Variants in NMU observed in about 807,000 individuals in gnomAD.
NMU encodes the protein neuromedin U.
NMU carries 29 observed loss-of-function variants against 35.4 expected under a neutral mutation model. That is an observed-to-expected ratio of 0.82 (90% CI 0.61 to 1.12). The LOEUF (loss-of-function observed/expected upper bound fraction) is 1.12. Ranked by LOEUF, NMU falls within the 50% of genes most tolerant of loss-of-function variation. NMU has a pLI of 0.00. For synonymous variants in NMU, 78 were observed against 81.3 expected, an observed-to-expected ratio of 0.96 and a Z score of 0.22; for missense variants, 199 against 206.2, an observed-to-expected ratio of 0.97 and a Z score of 0.21.
At chr4:55,612,711 G>C (rs1032623251) in intron 3 of NMU, among the ~76,000 whole-genome samples, 3 of 152,136 alleles carry the variant, frequency 2.0e-5, no homozygotes, top group Non-Finnish European at 2.9e-5. Context: ...AAGTTTCAAA[G>C]CAAGTGCATT....
intron 1 of NMU, 109 bp from the exon 2 acceptor site, chr4:55,630,569 A>G: frequency 2.5e-6 from 2 of 796,614 alleles, no homozygotes; most frequent in Non-Finnish European, 2.1e-6. Context: ...ACTGTACATC[A>G]TCACCCACCT....
intron 6 of NMU, among the ~76,000 whole-genome samples, chr4:55,606,223 C>T (rs1366822777): frequency 2.0e-5 from 3 of 152,196 alleles, no homozygotes; most frequent in Non-Finnish European, 4.4e-5. Context: ...ACACTATGCT[C>T]CTCATTCCCT....
chr4:55,631,030 C>T (rs1037329464), intron 1 of NMU, among the ~76,000 whole-genome samples: 1 of 152,058 alleles, frequency 6.6e-6, no homozygotes, highest in Non-Finnish European at 1.5e-5. Flanking sequence ...AAGCCAAATA[C>T]TTAAAACCAA....
At chr4:55,632,275 GA>G (rs1482258965) in intron 1 of NMU, among the ~76,000 whole-genome samples, 1 of 151,254 alleles carries the variant, frequency 6.6e-6, no homozygotes, top group African/African-American at 2.4e-5. Context: ...TATCCTGATA[GA>G]TTTTTTTTTC....
At chr4:55,627,326 A>G (rs1222407605) in intron 2 of NMU, among the ~76,000 whole-genome samples, 1 of 151,778 alleles carries the variant, frequency 6.6e-6, no homozygotes, top group African/African-American at 2.4e-5. Context: ...GTAGCTGTTC[A>G]TATTTAAAAT....
In NMU at chr4:55,605,507, C is replaced by T. The variant is rs41357044; in HGVS notation, c.361-158G>A. ...CTAAAACAGGTCTTTGGGAGCAATT[C>T]GAAGAACTGTGGAGAATAAACCAAG... On this transcript the variant is annotated intron_variant, in intron 6 of 9. Transcript: ENST00000264218. Among the ~76,000 whole-genome samples, 1,186 of 152,240 alleles carry T rather than the reference C, an allele frequency of 7.8e-3. 12 individuals carry two copies. Among genetic ancestry groups the T allele is most frequent in the African/African-American group, 0.026 (1,099 of 41,556 alleles).
intron 7 of NMU, among the ~76,000 whole-genome samples, chr4:55,604,434 A>T (rs544483571): frequency 5.3e-5 from 8 of 151,976 alleles, no homozygotes; most frequent in Non-Finnish European, 1.0e-4. Context: ...GGTTACATTC[A>T]TCTTACACAT....
chr4:55,600,415 A>T (rs529721390), intron 8 of NMU, 107 bp downstream of exon 8: 1 of 764,546 alleles, frequency 1.3e-6, no homozygotes, highest in Non-Finnish European at 2.3e-6. Flanking sequence ...GATGCCAAAC[A>T]TCTATAAACT....
chr4:55,627,870 A>G (rs1485230406), intron 2 of NMU, among the ~76,000 whole-genome samples: 1 of 152,224 alleles, frequency 6.6e-6, no homozygotes, highest in East Asian at 1.9e-4. Context: ...TTCACATTTT[A>G]TTTAGGATTA....
Position 55,604,706 on chromosome 4 carries a change from T to G in NMU, c.435+569A>C, listed in dbSNP as rs28593697. Among the ~76,000 whole-genome samples, 4 of 139,452 alleles carry G rather than the reference T, an allele frequency of 2.9e-5. No individual in the cohort carries two copies. The South Asian group carries it at 9.4e-4, about 33-fold the overall frequency. 91.5% of individuals were successfully genotyped at this position (139,452 alleles called of 152,430 possible). On this transcript the variant is annotated intron_variant, in intron 7 of 9. Transcript: ENST00000264218. ...TTTTTTTTTTTTTTTTTTTTTTTTG[T>G]ATTTTTAGTAGGGACGGGGTTTCGC...
upstream of NMU, chr4:55,636,458 C>A: frequency 2.3e-6 from 1 of 433,178 alleles, no homozygotes; most frequent in South Asian, 5.2e-5. This position sits in a 1 kb window ranked among gnomAD's most constrained non-coding sequence, Gnocchi z 4.0. Flanking sequence ...GGACCCGAGC[C>A]CCCTAGCCTG....
At chr4:55,612,058 G>A (rs1342108143) in intron 3 of NMU, among the ~76,000 whole-genome samples, 1 of 152,174 alleles carries the variant, frequency 6.6e-6, no homozygotes, top group Non-Finnish European at 1.5e-5. Context: ...TGCCTGCTAA[G>A]CCTGGAGTTG....
chr4:55,634,904 C>G lies in NMU; in HGVS notation c.112+1177G>C, dbSNP rs563966457. Among the ~76,000 whole-genome samples, 13 of 150,258 alleles carry G rather than the reference C, an allele frequency of 8.7e-5. No homozygotes were observed. The East Asian group carries it at 2.3e-3, about 27-fold the overall frequency. On this transcript the variant is annotated intron_variant, in intron 1 of 9. Coordinates refer to ENST00000264218, the MANE Select transcript of NMU (RefSeq NM_006681.4). ...CTCTCTCTCTCTCACACACACACCC[C>G]CCTCCAATGCCTCAGGAAAGGACAA...
chr4:55,614,633 T>A (rs1240663223), intron 3 of NMU, among the ~76,000 whole-genome samples: 1 of 152,226 alleles, frequency 6.6e-6, no homozygotes, highest in Non-Finnish European at 1.5e-5. Flanking sequence ...ATTGCAAATG[T>A]AAAACTTTCA....
chr4:55,608,006 TA>T (rs1460699653), intron 4 of NMU, among the ~76,000 whole-genome samples: 2 of 151,230 alleles, frequency 1.3e-5, no homozygotes, highest in African/African-American at 4.9e-5. Flanking sequence ...CTGTCTCTAC[TA>T]AAAAAAATAC....
At chr4:55,598,395 A>G (rs1479841929) in intron 9 of NMU, among the ~76,000 whole-genome samples, 1 of 152,230 alleles carries the variant, frequency 6.6e-6, no homozygotes, top group African/African-American at 2.4e-5. Context: ...TATATTTGAA[A>G]AAATATGTTC....
intron 4 of NMU, 109 bp from the exon 5 acceptor site, chr4:55,607,575 CAT>C (rs907232629): frequency 1.3e-5 from 5 of 393,258 alleles, no homozygotes; most frequent in African/African-American, 4.1e-5. Flanking sequence ...ACACATGACT[CAT>C]GTTACATATA....
chr4:55,607,345 A>G lies in NMU; in HGVS notation c.313T>C (p.Leu105=). 1.2e-6 allele frequency: 2 copies of G among 1,605,090 alleles called. No individual in the cohort carries two copies. The highest frequency in any genetic ancestry group is 1.7e-6 in the Non-Finnish European group (2 of 1,172,288). ...TTCTGTGTCTTCGAATAATGAAATA[A>G]GAACTGTTTAAAAAAAGCAGTAAGT... The part of the protein sequence containing the change: ...QDEKDNTKRF[L]FHYSKTQKLG... The change falls in exon 6 of 10, where the codon TTA becomes CTA. Residue 105 remains leucine, a synonymous_variant. Coordinates refer to ENST00000264218, the MANE Select transcript of NMU (RefSeq NM_006681.4).
chr4:55,632,357 T>C (rs777418056), intron 1 of NMU, among the ~76,000 whole-genome samples: 5 of 152,208 alleles, frequency 3.3e-5, no homozygotes, highest in African/African-American at 9.7e-5. Context: ...TTCATTTAAG[T>C]TCTAATAACA....
Sources: gnomAD v4.1 joint callset for allele counts (sites outside exome capture counted in the v4.1 genomes callset) on GRCh38, gnomAD v4.1.1 for gene constraint, Gnocchi (gnomAD v3.1) non-coding constraint, MANE v1.5 for transcripts, NCBI Gene and HGNC (gene_info 2026-07-23, HGNC 2026-07-21) for gene names.